The following RPSA variants were observed in gnomAD, a reference collection of about 807,000 sequenced individuals.
The protein encoded by RPSA is ribosomal protein SA, also known as small ribosomal subunit protein uS2.
For synonymous variants in RPSA, 103 were observed against 126.7 expected, an observed-to-expected ratio of 0.81 and a Z score of 1.25; for missense variants, 140 against 372.8, an observed-to-expected ratio of 0.38 and a Z score of 5.14.
At chr3:39,409,540 T>C (rs1417671111) in intron 3 of RPSA, among the ~76,000 whole-genome samples, 1 of 152,228 alleles carries the variant, frequency 6.6e-6, no homozygotes, top group Non-Finnish European at 1.5e-5. Context: ...CATCTGGCAG[T>C]ATGTTGAACT....
In RPSA at chr3:39,406,756, T is replaced by G. The variant is rs1388052090; in HGVS notation, c.-42T>G. The stretch of plus-strand genomic sequence containing the variant: ...TACCTGCAGAGGGGTCCATACGGCG[T>G]TGTTCTGGGTGAGTTCCGTGTAGCG... On this transcript the variant is annotated 5_prime_UTR_variant, in exon 1 of 7. Coordinates refer to ENST00000301821, the MANE Select transcript of RPSA (RefSeq NM_002295.6). The G allele has an allele frequency of 7.1e-6, 3 of 422,596 alleles. No individual in the cohort carries two copies. The highest frequency in any genetic ancestry group is 5.4e-5 in the Admixed American group (2 of 37,220). The allele number at this position is 422,596 out of a possible 1,614,324, so 26.2% of individuals were successfully genotyped here.
At chr3:39,407,228 G>T in intron 1 of RPSA, 1 of 343,744 alleles carries the variant, frequency 2.9e-6, no homozygotes, top group South Asian at 2.2e-5. Flanking sequence ...CAAAGCATCC[G>T]CCTACAATCT....
At chr3:39,412,091 T>C (rs1319236105) in intron 6 of RPSA, 30 bp downstream of exon 6, 1 of 1,604,068 alleles carries the variant, frequency 6.2e-7, no homozygotes, top group Non-Finnish European at 8.5e-7. Context: ...TGAATCAAGC[T>C]GATATTTTGC....
rs1404871311 is a variant in RPSA, at chr3:39,411,783, C to T, written c.627+6C>T. On this transcript the variant is annotated splice_donor_region_variant and intron_variant, in intron 5 of 6. Transcript: ENST00000301821. ...TCTACAGAGATCCTGAAGAGGTAAGCTTCTCCAAAGGCTTGTGGTTACATA... is the reference window on the plus strand; with the variant it reads ...TCTACAGAGATCCTGAAGAGGTAAGTTTCTCCAAAGGCTTGTGGTTACATA... 18 of 1,599,734 alleles carry T rather than the reference C, an allele frequency of 1.1e-5. No individual in the cohort carries two copies. The highest frequency in any genetic ancestry group is 1.5e-5 in the Non-Finnish European group (18 of 1,179,928).
intron 3 of RPSA, chr3:39,410,540 G>C (rs1484597731): frequency 2.1e-5 from 12 of 580,088 alleles, no homozygotes; most frequent in Non-Finnish European, 3.7e-5. Flanking sequence ...AGTGTTGCTA[G>C]GTGCTCGGGA....
chr3:39,408,953 G>T (rs534152154), intron 3 of RPSA: 6 of 453,314 alleles, frequency 1.3e-5, no homozygotes, highest in African/African-American at 3.9e-5. Flanking sequence ...GGGCGTGGGG[G>T]CGGGTGCCTG....
intron 3 of RPSA, 38 bp downstream of exon 3, chr3:39,408,762 T>TA (rs1559398995): frequency 3.6e-6 from 4 of 1,104,796 alleles, no homozygotes; most frequent in Non-Finnish European, 5.6e-6. Flanking sequence ...ATTATAGAAA[T>TA]AAAGCTTACA....
chr3:39,411,169 C>A, intron 4 of RPSA, 170 bp downstream of exon 4: 2 of 795,748 alleles, frequency 2.5e-6, no homozygotes, highest in Non-Finnish European at 4.5e-6. Context: ...GGTCTCTGGC[C>A]CAATGAGTGG....
At chr3:39,406,800 G>A (rs765756237) in intron 1 of RPSA, 36 bp downstream of exon 1, 20 of 452,582 alleles carry the variant, frequency 4.4e-5, no homozygotes, top group Admixed American at 2.4e-5. Flanking sequence ...GCCTTCCAGG[G>A]CTAGAAAAAT....
chr3:39,408,068 A>G (rs2041945990), intron 2 of RPSA: 2 of 421,354 alleles, frequency 4.7e-6, no homozygotes, highest in Non-Finnish European at 8.8e-6. Flanking sequence ...AGTGCCTTCA[A>G]CTTCATAGGT....
chr3:39,407,603 G>T lies in RPSA; in HGVS notation c.-33-18G>T. ...AACTCAATGGAATGAAAAGAAATAGGTTGCTCTCTTATTTCAGATTCCCGT... is the reference window on the plus strand; with the variant it reads ...AACTCAATGGAATGAAAAGAAATAGTTTGCTCTCTTATTTCAGATTCCCGT... On this transcript the variant is annotated intron_variant, in intron 1 of 6. Coordinates refer to ENST00000301821, the MANE Select transcript of RPSA (RefSeq NM_002295.6). The T allele has an allele frequency of 2.5e-6, 4 of 1,576,020 alleles. No homozygotes were observed. Among genetic ancestry groups the T allele is most frequent in the Non-Finnish European group, 3.4e-6 (4 of 1,161,034 alleles).
chr3:39,406,761 C>G lies in RPSA; in HGVS notation c.-37C>G, dbSNP rs2041922398. 2.3e-6 allele frequency: 1 copy of G among 430,388 alleles called. No individual in the cohort carries two copies. The highest frequency in any genetic ancestry group is 4.6e-6 in the Non-Finnish European group (1 of 215,222). 26.7% of individuals were successfully genotyped at this position (430,388 alleles called of 1,614,324 possible). ...GCAGAGGGGTCCATACGGCGTTGTT[C>G]TGGGTGAGTTCCGTGTAGCGTCCCT... On this transcript the variant is annotated 5_prime_UTR_variant, in exon 1 of 7. Coordinates refer to ENST00000301821, the MANE Select transcript of RPSA (RefSeq NM_002295.6).
chr3:39,408,770 A>G (rs2041958209), intron 3 of RPSA, 46 bp downstream of exon 3: 2 of 1,073,220 alleles, frequency 1.9e-6, no homozygotes, highest in African/African-American at 3.1e-5. Flanking sequence ...AATAAAGCTT[A>G]CAGACATTGT....
chr3:39,408,978 C>T (rs1347786114), intron 3 of RPSA: 14 of 418,364 alleles, frequency 3.3e-5, no homozygotes, highest in South Asian at 9.6e-5. Flanking sequence ...CCCAGCTACT[C>T]AGGAGGCCAA....
chr3:39,411,819 A>G (rs779260449), intron 5 of RPSA, 42 bp downstream of exon 5: 7 of 1,599,406 alleles, frequency 4.4e-6, no homozygotes, highest in South Asian at 1.1e-5. Context: ...AGCAAATTGG[A>G]CGACTTGGAC....
rs935702684 is a variant in RPSA, at chr3:39,412,051, A to G, written c.783A>G (p.Gln261=). 1.9e-6 allele frequency: 3 copies of G among 1,611,350 alleles called. No individual in the cohort carries two copies. Among genetic ancestry groups the G allele is most frequent in the East Asian group, 2.2e-5 (1 of 44,888 alleles). ...AGGTGCCCTCTGTGCCTATTCAGCA[A>G]TTCCCTACTGGTATGTATCAGGATA... is the stretch of plus-strand genomic sequence containing the variant. The part of the protein sequence containing the change: ...GVQVPSVPIQ[Q]FPTEDWSAQP... Residue 261 remains glutamine, a synonymous_variant, in exon 6 of 7, where the codon CAA becomes CAG. Coordinates refer to ENST00000301821, the MANE Select transcript of RPSA (RefSeq NM_002295.6).
intron 6 of RPSA, 23 bp downstream of exon 6, chr3:39,412,084 A>G (rs761922930): frequency 6.2e-7 from 1 of 1,607,566 alleles, no homozygotes; most frequent in Non-Finnish European, 8.5e-7. Flanking sequence ...ATAGAGGTGA[A>G]TCAAGCTGAT....
At chr3:39,409,322 C>T (rs960973334) in intron 3 of RPSA, among the ~76,000 whole-genome samples, 2 of 151,338 alleles carry the variant, frequency 1.3e-5, no homozygotes, top group African/African-American at 4.8e-5. Context: ...CTGCCTCATC[C>T]TCCCGAGTAG....
intron 3 of RPSA, among the ~76,000 whole-genome samples, chr3:39,409,835 T>C (rs2041979379): frequency 8.0e-6 from 1 of 124,496 alleles, no homozygotes; most frequent in South Asian, 2.6e-4. Flanking sequence ...ATCCTGTTTC[T>C]TAAAAAAGCC....
Sources: allele counts gnomAD v4.1 joint callset (sites outside exome capture counted in the v4.1 genomes callset), GRCh38; gene constraint gnomAD v4.1.1; transcripts MANE v1.5; gene names NCBI Gene and HGNC (gene_info 2026-07-23, HGNC 2026-07-21).